ATP6AP2: variants seen among roughly 807,000 people sequenced by gnomAD.
The protein encoded by ATP6AP2 is renin receptor.
ATP6AP2 carries 1 observed loss-of-function variant against 23.4 expected under a neutral mutation model. The ratio of observed to expected loss-of-function variants is 0.04; its 90% confidence interval spans 0.02 to 0.20. The LOEUF (loss-of-function observed/expected upper bound fraction) is 0.20. Ranked by LOEUF, ATP6AP2 falls within the 10% of genes least tolerant of loss-of-function variation. The pLI is 1.00. For synonymous variants in ATP6AP2, 90 were observed against 97.1 expected, an observed-to-expected ratio of 0.93 and a Z score of 0.43; for missense variants, 174 against 271.3, an observed-to-expected ratio of 0.64 and a Z score of 2.52.
At chrX:40,588,346 C>G (rs983263187) in intron 1 of ATP6AP2, among the ~76,000 whole-genome samples, 1 of 68,427 alleles carries the variant, frequency 1.5e-5, no homozygotes, top group Non-Finnish European at 2.6e-5. Context: ...CCCCCCCCCC[C>G]CCCAACATTT....
At chrX:40,600,014 C>T in intron 7 of ATP6AP2, 1 of 318,734 alleles carries the variant, frequency 3.1e-6, no homozygotes, top group Admixed American at 4.8e-5. Flanking sequence ...AAAATTACCA[C>T]TTTAACCATT....
intron 4 of ATP6AP2, 66 bp downstream of exon 4, chrX:40,597,410 A>C (rs1926799430): frequency 9.4e-6 from 10 of 1,063,414 alleles, no homozygotes; most frequent in Non-Finnish European, 1.3e-5. Flanking sequence ...AAAATTATGA[A>C]ATGTAATTTT....
At chrX:40,604,178 G>A (rs1569261975) in intron 8 of ATP6AP2, among the ~76,000 whole-genome samples, 1 of 112,069 alleles carries the variant, frequency 8.9e-6, no homozygotes, top group Non-Finnish European at 1.9e-5. Context: ...AAAGTGTTAA[G>A]TGGATCATAC....
chrX:40,605,448 T>A, intron 8 of ATP6AP2, 113 bp from the exon 9 acceptor site: 1 of 697,999 alleles, frequency 1.4e-6, no homozygotes, highest in South Asian at 2.4e-5. Flanking sequence ...GTAGCTGTTA[T>A]GCCACTTATG....
chrX:40,582,098 G>T (rs1408757842), intron 1 of ATP6AP2, among the ~76,000 whole-genome samples: 2 of 111,981 alleles, frequency 1.8e-5, no homozygotes, highest in Admixed American at 9.5e-5. Context: ...GAACGGCTTG[G>T]AGGAATGGGT....
intron 1 of ATP6AP2, among the ~76,000 whole-genome samples, chrX:40,588,688 GA>G (rs994189179): frequency 2.7e-5 from 2 of 75,382 alleles, no homozygotes; most frequent in African/African-American, 1.0e-4. Context: ...TACCTTTGTT[GA>G]TCTCTTTTTG....
Position 40,599,676 on chromosome X carries a change from C to T in ATP6AP2, c.673C>T (p.Arg225Cys), listed in dbSNP as rs1158279990. ...GGCAGGTTTGGATGAAATTGGGAAG[C>T]GTTATGGGGAAGACTCTGAACAATT... ...ELAGLDEIGK[R>C]YGEDSEQFRD... The change falls in exon 7 of 9, where the codon CGT becomes TGT. Residue 225 changes from arginine to cysteine, a missense_variant. Physicochemically the swap from Arg to Cys is radical, Grantham distance 180. Coordinates refer to ENST00000636580, the MANE Select transcript of ATP6AP2 (RefSeq NM_005765.3). The T allele has an allele frequency of 7.4e-6, 9 of 1,211,026 alleles. No homozygotes were observed. Among genetic ancestry groups the T allele is most frequent in the South Asian group, 1.8e-5 (1 of 56,971 alleles).
chrX:40,582,696 T>C (rs1309344458), intron 1 of ATP6AP2, among the ~76,000 whole-genome samples: 1 of 112,512 alleles, frequency 8.9e-6, no homozygotes, highest in Non-Finnish European at 1.9e-5. Context: ...TTAATTTTAA[T>C]TCAGTTTTTG....
At chrX:40,596,927 G>T in intron 3 of ATP6AP2, 1 of 192,747 alleles carries the variant, frequency 5.2e-6, no homozygotes, top group South Asian at 1.3e-4. Context: ...GGCACATTTA[G>T]TCAATATTGA....
chrX:40,592,214 T>A (rs1002391628), intron 3 of ATP6AP2: 2 of 112,274 alleles, frequency 1.8e-5, no homozygotes, highest in African/African-American at 6.5e-5. Flanking sequence ...GCTCCTTTGG[T>A]CAAATACGGA....
In ATP6AP2 at chrX:40,601,053, C is replaced by A. The variant is rs888013182; in HGVS notation, c.858+172C>A. The A allele has an allele frequency of 8.8e-6, 4 of 451,988 alleles. No homozygotes were observed. In the Admixed American group the frequency reaches 1.2e-4, roughly 14 times the overall value. 37.2% of individuals were successfully genotyped at this position (451,988 alleles called of 1,213,427 possible). A position where few individuals can be genotyped will look rare whatever the true frequency, so the allele number is the denominator to read the frequency against. On this transcript the variant is annotated intron_variant, in intron 8 of 8. Coordinates refer to ENST00000636580, the MANE Select transcript of ATP6AP2 (RefSeq NM_005765.3). ...GTTCACATACATATGTGTGCTTTGC[C>A]AGTGATGATCAGTTCTTTAGGGTTA...
chrX:40,601,070 T>C (rs1404235019), intron 8 of ATP6AP2, 189 bp downstream of exon 8: 9 of 430,782 alleles, frequency 2.1e-5, no homozygotes, highest in Non-Finnish European at 3.2e-5. Context: ...GATCAGTTCT[T>C]TAGGGTTATA....
rs371701957 is a variant in ATP6AP2, at chrX:40,588,999, C to A, written c.51C>A (p.Asn17Lys). The A allele has an allele frequency of 1.7e-6, 2 of 1,207,469 alleles. No individual in the cohort carries two copies. Among genetic ancestry groups the A allele is most frequent in the Admixed American group, 2.2e-5 (1 of 45,573 alleles). The change falls in exon 2 of 9, where the codon AAC (asparagine) becomes AAA (lysine). Residue 17 changes from asparagine (N) to lysine (K), a missense_variant. Asn to Lys is a moderately conservative substitution (Grantham distance 94). Transcript: ENST00000636580. ...TTTTCTTTTCAGGTGTTTTGGGGAA[C>A]GAGTTTAGTATATTAAAATCACCAG... ...LLALVAGVLGNEFSILKSPGS... is the reference protein window; with the variant it reads ...LLALVAGVLGKEFSILKSPGS...
At chrX:40,587,551 A>G (rs896348797) in intron 1 of ATP6AP2, among the ~76,000 whole-genome samples, 123 of 112,437 alleles carry the variant, frequency 1.1e-3, no homozygotes, top group Admixed American at 3.2e-3. Context: ...CAAAACATTT[A>G]CTGTTGCTTC....
At chrX:40,589,213 C>T (rs774098055) in intron 2 of ATP6AP2, 97 bp downstream of exon 2, 62 of 1,003,798 alleles carry the variant, frequency 6.2e-5, no homozygotes, top group Non-Finnish European at 8.0e-5. Flanking sequence ...AACGTAGGTA[C>T]GTTTGGTACA....
intron 3 of ATP6AP2, among the ~76,000 whole-genome samples, chrX:40,594,256 A>G (rs1250920137): frequency 8.9e-6 from 1 of 112,273 alleles, no homozygotes; most frequent in Non-Finnish European, 1.9e-5. Flanking sequence ...CAAACAGAAG[A>G]TAACAACTCC....
chrX:40,598,150 A>G, intron 5 of ATP6AP2: 1 of 169,571 alleles, frequency 5.9e-6, no homozygotes, highest in South Asian at 1.2e-4. Context: ...TTTCTCATTC[A>G]TTCTGGACAT....
chrX:40,582,223 T>C lies in ATP6AP2; in HGVS notation c.37+1121T>C, dbSNP rs771434623. 5.2e-3 allele frequency among the ~76,000 whole-genome samples: 585 copies of C among 111,500 alleles called. 4 individuals are homozygous for C. Among genetic ancestry groups the C allele is most frequent in the Middle Eastern group, 0.018 (4 of 219 alleles). ...CAGGCAGATCACCTGAGGTCAGGAG[T>C]TTGAGACCAGCCTGGCCAACAAGGC... On this transcript the variant is annotated intron_variant, in intron 1 of 8. Coordinates refer to ENST00000636580, the MANE Select transcript of ATP6AP2 (RefSeq NM_005765.3).
rs1171887015 is a variant in ATP6AP2, at chrX:40,601,524, T to C, written c.858+643T>C. Among the ~76,000 whole-genome samples, 4 of 112,043 alleles carry C rather than the reference T, an allele frequency of 3.6e-5. No individual in the cohort carries two copies. In the East Asian group the frequency reaches 1.1e-3, roughly 31 times the overall value. On this transcript the variant is annotated intron_variant, in intron 8 of 8. Coordinates refer to ENST00000636580, the MANE Select transcript of ATP6AP2 (RefSeq NM_005765.3). The stretch of plus-strand genomic sequence containing the variant: ...GGTCAGGGTTAAGCATTACCATGGT[T>C]GCTGGCCATGGTAAAATACATATCT...
Sources: allele counts gnomAD v4.1 joint callset (sites outside exome capture counted in the v4.1 genomes callset), GRCh38; gene constraint gnomAD v4.1.1; transcripts MANE v1.5; gene names NCBI Gene and HGNC (gene_info 2026-07-23, HGNC 2026-07-21).